Variants in ELAPOR1 observed in about 807,000 individuals in gnomAD.
ELAPOR1 encodes the protein endosome-lysosome associated apoptosis and autophagy regulator 1.
Under a neutral mutation model 119.7 loss-of-function variants are expected in ELAPOR1, and 77 were observed. The ratio of observed to expected loss-of-function variants is 0.64; its 90% CI spans 0.54 to 0.78. The LOEUF (loss-of-function observed/expected upper bound fraction) is 0.78. Among genes scored for constraint, ELAPOR1 ranks in the 30% least tolerant of loss-of-function variants. The pLI is 0.00. For missense variants in ELAPOR1, 1,115 were observed against 1,270.4 expected, an observed-to-expected ratio of 0.88 and a Z score of 1.86; for synonymous variants, 481 against 487.2, an observed-to-expected ratio of 0.99 and a Z score of 0.17.
Position 109,114,121 on chromosome 1 carries a change from C to T in ELAPOR1, c.-63C>T. On this transcript the variant is annotated 5_prime_UTR_variant, in exon 1 of 22. Coordinates refer to ENST00000369939, the MANE Select transcript of ELAPOR1 (RefSeq NM_020775.5). ...CCTCCCTCCCCTTTTTTTCCGCCTT[C>T]TGCCAGCAGAAGCAGCAGCCGCAGC... is the stretch of plus-strand genomic sequence containing the variant. 16 of 1,452,834 alleles carry T rather than the reference C, an allele frequency of 1.1e-5. No homozygotes were observed. Among genetic ancestry groups the T allele is most frequent in the Admixed American group, 8.0e-5 (3 of 37,528 alleles). 90.0% of individuals were successfully genotyped at this position (1,452,834 alleles called of 1,614,324 possible). A position where few individuals can be genotyped will look rare whatever the true frequency, so the allele number is the denominator to read the frequency against.
chr1:109,145,280 A>G (rs909038983), intron 1 of ELAPOR1, among the ~76,000 whole-genome samples: 1 of 152,176 alleles, frequency 6.6e-6, no homozygotes, highest in African/African-American at 2.4e-5. Flanking sequence ...GAACGGTGAA[A>G]AAAAATACAT....
chr1:109,162,075 T>G, intron 2 of ELAPOR1, 61 bp downstream of exon 2: 1 of 1,551,752 alleles, frequency 6.4e-7, no homozygotes, highest in Non-Finnish European at 8.8e-7. Context: ...CCCCCAAGTC[T>G]CCTGCCATCC....
intron 8 of ELAPOR1, 110 bp from the exon 9 acceptor site, chr1:109,188,067 T>C (rs183482602): frequency 6.8e-7 from 1 of 1,472,108 alleles, no homozygotes; most frequent in East Asian, 2.4e-5. Flanking sequence ...GAGGAGCTCT[T>C]ACCTGGCCCA....
At chr1:109,186,073 AG>A (rs1653025254) in intron 8 of ELAPOR1, among the ~76,000 whole-genome samples, 1 of 151,362 alleles carries the variant, frequency 6.6e-6, no homozygotes, top group Non-Finnish European at 1.5e-5. Context: ...AGTGGTAGGA[AG>A]GAAAAAAAAA....
intron 3 of ELAPOR1, 21 bp downstream of exon 3, chr1:109,164,712 A>C: frequency 6.3e-7 from 1 of 1,590,124 alleles, no homozygotes; most frequent in Non-Finnish European, 8.6e-7. Flanking sequence ...ACACACCCCC[A>C]CCCCACCCCC....
rs76884917 is a variant in ELAPOR1 at position 109,134,463 on chromosome 1, C to T, written c.153+20127C>T. ...GGCTGCTCTCTTCCGCCACCAAGAC[C>T]CCCAAGAAGAAAAGTAGCTTCCTCT... is the stretch of plus-strand genomic sequence containing the variant. On this transcript the variant is annotated intron_variant, in intron 1 of 21. Coordinates refer to ENST00000369939, the MANE Select transcript of ELAPOR1 (RefSeq NM_020775.5). Among the ~76,000 whole-genome samples, 178 of 152,250 alleles carry T rather than the reference C, an allele frequency of 1.2e-3. No homozygotes were observed. The East Asian group carries it at 0.026, about 22-fold the overall frequency.
At chr1:109,165,304 C>T (rs931437283) in intron 3 of ELAPOR1, among the ~76,000 whole-genome samples, 10 of 151,902 alleles carry the variant, frequency 6.6e-5, no homozygotes, top group African/African-American at 1.7e-4. Flanking sequence ...AAACAAAAAC[C>T]GGCAGGGCGC....
chr1:109,128,722 T>A (rs566300209), intron 1 of ELAPOR1, among the ~76,000 whole-genome samples: 1 of 152,368 alleles, frequency 6.6e-6, no homozygotes, highest in East Asian at 1.9e-4. Flanking sequence ...AGTTGTTGAA[T>A]ATTTTGAGCC....
At chr1:109,116,745 C>T (rs969658141) in intron 1 of ELAPOR1, among the ~76,000 whole-genome samples, 1 of 141,566 alleles carries the variant, frequency 7.1e-6, no homozygotes, top group African/African-American at 2.7e-5. Flanking sequence ...GGCTGGAGTG[C>T]AGTGGCATGA....
chr1:109,200,441 A>C (rs758960171), intron 20 of ELAPOR1, among the ~76,000 whole-genome samples: 1 of 152,190 alleles, frequency 6.6e-6, no homozygotes, highest in Non-Finnish European at 1.5e-5. Context: ...AAATTCTCAA[A>C]AGCAAAGAGT....
In ELAPOR1 at chr1:109,188,289, G is replaced by C; in HGVS notation, c.1154G>C (p.Gly385Ala). The C allele has an allele frequency of 4.3e-6, 7 of 1,614,162 alleles. No individual in the cohort carries two copies. The highest frequency in any genetic ancestry group is 4.2e-6 in the Non-Finnish European group (5 of 1,180,014). Residue 385 changes from glycine (G) to alanine (A), a missense_variant, in exon 9 of 22, where the codon GGC (glycine) becomes GCC (alanine). By Grantham distance (60) the Gly-to-Ala change is moderately conservative. Coordinates refer to ENST00000369939, the MANE Select transcript of ELAPOR1 (RefSeq NM_020775.5). ...VKTHCPPCNP[G>A]FFKTNNSTCQ... ...ACCCACTGCCCACCCTGCAACCCAGGCTTCTTCAAAACCAACAACAGCACC... is the reference window on the plus strand; with the variant it reads ...ACCCACTGCCCACCCTGCAACCCAGCCTTCTTCAAAACCAACAACAGCACC...
intron 21 of ELAPOR1, chr1:109,201,277 A>G (rs1488762531): frequency 2.2e-6 from 1 of 456,264 alleles, no homozygotes; most frequent in Admixed American, 2.4e-5. Flanking sequence ...TTCTGATAGA[A>G]GTCAGGCTCT....
chr1:109,173,564 A>G lies in ELAPOR1; in HGVS notation c.787A>G (p.Asn263Asp). ...TKVPKPVLVR[N>D]IAITGVAYTS... ...AGTACCCAAGCCTGTGCTGGTGAGA[A>G]ACATTGCCATAACAGGTACTGAGAG... Residue 263 changes from asparagine to aspartate, a missense_variant, in exon 6 of 22, where the codon AAC becomes GAC. Transcript: ENST00000369939. The G allele has an allele frequency of 6.2e-6, 10 of 1,614,184 alleles. No individual in the cohort carries two copies. The highest frequency in any genetic ancestry group is 8.5e-6 in the Non-Finnish European group (10 of 1,180,022).
intron 7 of ELAPOR1, among the ~76,000 whole-genome samples, chr1:109,177,702 T>A (rs1416932068): frequency 1.3e-5 from 2 of 152,024 alleles, no homozygotes; most frequent in Non-Finnish European, 2.9e-5. Flanking sequence ...AAGTCTAGAT[T>A]CCTGTTTTTC....
intron 8 of ELAPOR1, chr1:109,187,774 G>T: frequency 1.2e-6 from 1 of 800,962 alleles, no homozygotes; most frequent in Non-Finnish European, 1.6e-6. Flanking sequence ...CTCAGTCCCC[G>T]GGGGACATCT....
intron 7 of ELAPOR1, among the ~76,000 whole-genome samples, chr1:109,183,588 C>CTTCCTTT (rs1491142754): frequency 0.015 from 1,682 of 113,100 alleles, 51 homozygotes; most frequent in Middle Eastern, 0.027. Context: ...TTCCTTCCTT[C>CTTCCTTT]CTTCCTTCCT....
At chr1:109,158,242 G>T (rs1290724213) in intron 1 of ELAPOR1, among the ~76,000 whole-genome samples, 1 of 151,606 alleles carries the variant, frequency 6.6e-6, no homozygotes, top group Non-Finnish European at 1.5e-5. Context: ...TATTTTGAAA[G>T]CAAGTGGTGG....
intron 2 of ELAPOR1, among the ~76,000 whole-genome samples, chr1:109,162,486 T>C (rs919344793): frequency 1.3e-5 from 2 of 152,176 alleles, no homozygotes; most frequent in African/African-American, 4.8e-5. Flanking sequence ...GACAAGAATC[T>C]TCTTGACTGT....
chr1:109,195,673 T>C (rs1014144387), intron 15 of ELAPOR1, among the ~76,000 whole-genome samples: 10 of 152,224 alleles, frequency 6.6e-5, no homozygotes, highest in African/African-American at 2.4e-4. Flanking sequence ...CACACGTCTC[T>C]TTGCTGACAG....
Sources: gnomAD v4.1 joint callset for allele counts (sites outside exome capture counted in the v4.1 genomes callset) on GRCh38, gnomAD v4.1.1 for gene constraint, MANE v1.5 for transcripts, NCBI Gene and HGNC (gene_info 2026-07-23, HGNC 2026-07-21) for gene names.